RAD51: variants seen among roughly 807,000 people sequenced by gnomAD.
RAD51 encodes the protein DNA repair protein RAD51 homolog 1.
In RAD51, 14 loss-of-function variants were observed where a neutral mutation model predicts 41.5. The ratio of observed to expected loss-of-function variants is 0.34; its 90% CI spans 0.22 to 0.53. RAD51 has a LOEUF of 0.53. RAD51 is among the 20% of genes least tolerant of loss of function. The probability of loss-of-function intolerance (pLI) is 0.95; values close to 1 mark genes in which losing one functional copy is unlikely to be tolerated. For missense variants in RAD51, 234 were observed against 422.0 expected (o/e 0.55, Z 3.90); for synonymous variants, 136 against 148.6 (o/e 0.92, Z 0.62).
rs776870005 is a variant in RAD51, at chr15:40,709,007, T to C, written c.344-18T>C. On this transcript the variant is annotated intron_variant, in intron 4 of 9. Coordinates refer to ENST00000267868, the MANE Select transcript of RAD51 (RefSeq NM_002875.5). ...ATGTTTGTATTATGCTAAGAGTTAT[T>C]TCTTATCGCTTTTTTAGGTGGAATT... 18 of 1,594,818 alleles carry C rather than the reference T, an allele frequency of 1.1e-5. No individual in the cohort carries two copies. The South Asian group carries it at 2.0e-4, about 18-fold the overall frequency.
At chr15:40,725,432 T>C (rs1260568489) in intron 6 of RAD51, among the ~76,000 whole-genome samples, 9 of 152,226 alleles carry the variant, frequency 5.9e-5, no homozygotes, top group Admixed American at 5.9e-4. Flanking sequence ...TCTGAGAATG[T>C]CACAAGGCCT....
At chr15:40,697,312 C>CA (rs1306073251) in intron 1 of RAD51, among the ~76,000 whole-genome samples, 1 of 152,070 alleles carries the variant, frequency 6.6e-6, no homozygotes, top group Non-Finnish European at 1.5e-5. Context: ...CCATGTTGGT[C>CA]AGGCTGGTCT....
At chr15:40,712,877 CTTTTT>C (rs398039433) in intron 5 of RAD51, among the ~76,000 whole-genome samples, 2 of 103,896 alleles carry the variant, frequency 1.9e-5, no homozygotes, top group Admixed American at 1.2e-4. Flanking sequence ...CTTTTCTTTT[CTTTTT>C]TTTTTTTTTT....
At chr15:40,730,372 C>T (rs962655271) in intron 9 of RAD51, among the ~76,000 whole-genome samples, 9 of 148,122 alleles carry the variant, frequency 6.1e-5, no homozygotes, top group Non-Finnish European at 1.2e-4. Context: ...GGTGTGGTGG[C>T]GTGTGCCTGT....
Position 40,729,906 on chromosome 15 carries a change from A to C in RAD51, c.828A>C (p.Ala276=). 1.9e-6 allele frequency: 3 copies of C among 1,614,192 alleles called. No homozygotes were observed. Among genetic ancestry groups the C allele is most frequent in the Non-Finnish European group, 2.5e-6 (3 of 1,180,000 alleles). ...TNQVVAQVDG[A]AMFAADPKKP... is the part of the protein sequence containing the mutation. ...AGGTGGTAGCTCAAGTGGATGGAGC[A>C]GCGATGTTTGCTGCTGATCCCAAAA... is the stretch of plus-strand genomic sequence containing the variant. Residue 276 remains alanine (A), a synonymous_variant, in exon 9 of 10, where the codon GCA becomes GCC. Transcript: ENST00000267868.
At chr15:40,728,624 T>C (rs1896710899) in intron 6 of RAD51, 87 bp from the exon 7 acceptor site, 2 of 1,037,738 alleles carry the variant, frequency 1.9e-6, no homozygotes, top group African/African-American at 3.1e-5. Flanking sequence ...CTTCCCTACC[T>C]ATTCAGGTAA....
chr15:40,727,896 G>C (rs1365240437), intron 6 of RAD51, among the ~76,000 whole-genome samples: 2 of 129,780 alleles, frequency 1.5e-5, no homozygotes, highest in African/African-American at 5.9e-5. Context: ...ATCTCACTCT[G>C]TCACCCAGTC....
At position 40,731,253 on chromosome 15, in the gene RAD51, C is replaced by G. The variant is rs771253637; in HGVS notation, c.*75C>G. 5.7e-6 allele frequency: 9 copies of G among 1,590,414 alleles called. No homozygotes were observed. Among genetic ancestry groups the G allele is most frequent in the Non-Finnish European group, 7.8e-6 (9 of 1,160,120 alleles). On this transcript the variant is annotated 3_prime_UTR_variant, in exon 10 of 10. Coordinates refer to ENST00000267868, the MANE Select transcript of RAD51 (RefSeq NM_002875.5). ...AGAGTGCACTGCTCCCTGGGGTTCT[C>G]TACAGGCCTCTTCCTGTTGTGACTG...
chr15:40,724,559 A>G (rs1029028609), intron 6 of RAD51, among the ~76,000 whole-genome samples: 1 of 151,886 alleles, frequency 6.6e-6, no homozygotes, highest in Non-Finnish European at 1.5e-5. Flanking sequence ...CTAGAATGCA[A>G]TGGTGCAATC....
Position 40,731,222 on chromosome 15 carries a change from C to T in RAD51, c.*44C>T. ...TGTTAAAAACCTTAAGTGCTGCAGCCTAATGAGAGTGCACTGCTCCCTGGG... is the reference window on the plus strand; with the variant it reads ...TGTTAAAAACCTTAAGTGCTGCAGCTTAATGAGAGTGCACTGCTCCCTGGG... On this transcript the variant is annotated 3_prime_UTR_variant, in exon 10 of 10. Coordinates refer to ENST00000267868, the MANE Select transcript of RAD51 (RefSeq NM_002875.5). 6.2e-7 allele frequency: 1 copy of T among 1,612,994 alleles called. No individual in the cohort carries two copies. Among genetic ancestry groups the T allele is most frequent in the South Asian group, 1.1e-5 (1 of 91,018 alleles).
intron 5 of RAD51, among the ~76,000 whole-genome samples, chr15:40,710,008 C>T (rs983942633): frequency 2.0e-5 from 3 of 151,738 alleles, no homozygotes; most frequent in Non-Finnish European, 2.9e-5. Flanking sequence ...TTTGGGAGGC[C>T]GAGGTGGGCG....
At chr15:40,700,541 T>G (rs565076423) in intron 2 of RAD51, among the ~76,000 whole-genome samples, 5 of 152,300 alleles carry the variant, frequency 3.3e-5, no homozygotes, top group African/African-American at 9.6e-5. Flanking sequence ...AGAGATCATT[T>G]AGGGTCACAA....
chr15:40,694,775 T>C (rs913629610), upstream of RAD51: 3 of 152,158 alleles, frequency 2.0e-5, no homozygotes, highest in Non-Finnish European at 4.4e-5. Flanking sequence ...GCATTACCTC[T>C]TGGGAGTCGT....
chr15:40,722,976 C>T (rs1235098941), intron 6 of RAD51, among the ~76,000 whole-genome samples: 2 of 151,996 alleles, frequency 1.3e-5, no homozygotes, highest in African/African-American at 4.8e-5. Flanking sequence ...TGTCTAGTAT[C>T]TAGAATATAT....
intron 2 of RAD51, among the ~76,000 whole-genome samples, chr15:40,700,645 A>G (rs1428830488): frequency 6.6e-6 from 1 of 152,208 alleles, no homozygotes; most frequent in South Asian, 2.1e-4. Context: ...ATTGATTTTG[A>G]TAATGAAAAG....
chr15:40,701,540 G>A (rs559100729), intron 3 of RAD51, among the ~76,000 whole-genome samples: 1 of 151,228 alleles, frequency 6.6e-6, no homozygotes, highest in Non-Finnish European at 1.5e-5. Flanking sequence ...CCACCATGCC[G>A]GGGTAGTCTC....
intron 8 of RAD51, 77 bp from the exon 9 acceptor site, chr15:40,729,776 G>T: frequency 1.2e-6 from 2 of 1,611,314 alleles, no homozygotes; most frequent in South Asian, 1.1e-5. Flanking sequence ...GTTATTTTGT[G>T]GGGGAAAGTG....
intron 6 of RAD51, among the ~76,000 whole-genome samples, chr15:40,724,670 A>ATTTGTTTTTTT (rs757564729): frequency 2.8e-5 from 2 of 72,026 alleles, no homozygotes; most frequent in Non-Finnish European, 5.7e-5. Context: ...TAATTTTTTT[A>ATTTGTTTTTTT]TTTCTTTTTT....
intron 2 of RAD51, among the ~76,000 whole-genome samples, chr15:40,700,131 ATC>A (rs1380342057): frequency 1.3e-5 from 2 of 152,146 alleles, no homozygotes. Flanking sequence ...TGGCAAACTA[ATC>A]TCTCCCCTCT....
Sources: allele counts gnomAD v4.1 joint callset (sites outside exome capture counted in the v4.1 genomes callset), GRCh38; gene constraint gnomAD v4.1.1; transcripts MANE v1.5; gene names NCBI Gene and HGNC (gene_info 2026-07-23, HGNC 2026-07-21).